GABRG3: variants seen among roughly 807,000 people sequenced by gnomAD.
GABRG3 encodes gamma-aminobutyric acid type A receptor subunit gamma3, also known as gamma-aminobutyric acid receptor subunit gamma-3.
A neutral mutation model predicts 48.8 loss-of-function variants in GABRG3; 25 were observed. The ratio of observed to expected loss-of-function variants is 0.51; its 90% CI spans 0.37 to 0.72. GABRG3 has a LOEUF of 0.72. Ranked by LOEUF, GABRG3 falls within the 30% of genes least tolerant of loss-of-function variation. The probability of loss-of-function intolerance (pLI) is 0.00; values close to 1 mark genes in which losing one functional copy is unlikely to be tolerated. For missense variants in GABRG3, 394 were observed against 577.9 expected (o/e 0.68, Z 3.26); for synonymous variants, 227 against 217.6 (o/e 1.04, Z -0.38).
At chr15:27,015,545 T>A (rs1397713384) in intron 2 of GABRG3, among the ~76,000 whole-genome samples, 3 of 151,794 alleles carry the variant, frequency 2.0e-5, no homozygotes, top group African/African-American at 7.3e-5. Context: ...CCACCACACC[T>A]GGCTAATTTT....
intron 3 of GABRG3, among the ~76,000 whole-genome samples, chr15:27,045,938 C>T (rs1176416892): frequency 6.6e-6 from 1 of 152,172 alleles, no homozygotes; most frequent in Non-Finnish European, 1.5e-5. Flanking sequence ...TCTTCACCTG[C>T]ACATGGTGAT....
At chr15:27,152,830 TA>T (rs1244900524) in intron 3 of GABRG3, among the ~76,000 whole-genome samples, 4 of 152,268 alleles carry the variant, frequency 2.6e-5, no homozygotes, top group East Asian at 3.9e-4. Context: ...TGTATAGTTT[TA>T]CATTTAAATC....
chr15:27,114,320 G>A (rs970856648), intron 3 of GABRG3, among the ~76,000 whole-genome samples: 12 of 152,282 alleles, frequency 7.9e-5, no homozygotes, highest in Admixed American at 3.3e-4. Flanking sequence ...GTGGAATGTT[G>A]TAGAAAATAT....
intron 5 of GABRG3, among the ~76,000 whole-genome samples, chr15:27,425,957 G>A (rs1888278809): frequency 6.6e-6 from 1 of 152,170 alleles, no homozygotes; most frequent in African/African-American, 2.4e-5. Context: ...GGTAGAGTGT[G>A]GTAAGTACCC....
chr15:27,353,955 C>G (rs367567592), intron 5 of GABRG3, among the ~76,000 whole-genome samples: 6 of 152,276 alleles, frequency 3.9e-5, no homozygotes. Context: ...TTTGCTCTCT[C>G]CTGCACCTCC....
rs1894909445 is a variant in GABRG3 at position 26,974,875 on chromosome 15, T to G, written c.54-2127T>G. ...TTATTATTATTATTATTATTATTAT[T>G]ATTATTATTATTATTTGAGATGGAG... On this transcript the variant is annotated intron_variant, in intron 1 of 9. Coordinates refer to ENST00000615808, the MANE Select transcript of GABRG3 (RefSeq NM_033223.5). The surrounding 1 kb of genome is among the most constrained non-coding windows in gnomAD (Gnocchi z 4.3). Among the ~76,000 whole-genome samples the G allele has an allele frequency of 6.8e-6, 1 of 146,982 alleles. No homozygotes were observed. Among genetic ancestry groups the G allele is most frequent in the Non-Finnish European group, 1.5e-5 (1 of 67,130 alleles).
intron 3 of GABRG3, among the ~76,000 whole-genome samples, chr15:27,238,736 T>G (rs1164681542): frequency 1.3e-5 from 2 of 152,232 alleles, no homozygotes; most frequent in Non-Finnish European, 2.9e-5. Flanking sequence ...TTCGAACTTT[T>G]CAGTCACTTA....
chr15:26,971,476 G>C lies in GABRG3; in HGVS notation c.-60G>C. 7.2e-7 allele frequency: 1 copy of C among 1,397,252 alleles called. No individual in the cohort carries two copies. Among genetic ancestry groups the C allele is most frequent in the Non-Finnish European group, 9.5e-7 (1 of 1,052,830 alleles). The allele number at this position is 1,397,252 out of a possible 1,614,324, so 86.6% of individuals were successfully genotyped here. A position where few individuals can be genotyped will look rare whatever the true frequency, so the allele number is the denominator to read the frequency against. ...GAGGGCCGGCGGAGACCAGGTCCGCGCCGGAGGAAGCCGCGCCCGGCCGAG... is the reference window on the plus strand; with the variant it reads ...GAGGGCCGGCGGAGACCAGGTCCGCCCCGGAGGAAGCCGCGCCCGGCCGAG... On this transcript the variant is annotated 5_prime_UTR_variant, in exon 1 of 10. Coordinates refer to ENST00000615808, the MANE Select transcript of GABRG3 (RefSeq NM_033223.5).
At chr15:27,382,883 G>A (rs1595716940) in intron 5 of GABRG3, among the ~76,000 whole-genome samples, 1 of 152,272 alleles carries the variant, frequency 6.6e-6, no homozygotes, top group South Asian at 2.1e-4. Flanking sequence ...TTTGCTTGGG[G>A]AATAGTTGAA....
At chr15:27,176,800 T>G (rs997018687) in intron 3 of GABRG3, among the ~76,000 whole-genome samples, 7 of 152,036 alleles carry the variant, frequency 4.6e-5, no homozygotes, top group African/African-American at 1.4e-4. Context: ...GGGCATGCCA[T>G]AGGGTGGGGA....
intron 5 of GABRG3, among the ~76,000 whole-genome samples, chr15:27,397,801 A>ATTTT (rs1566823235): frequency 7.2e-6 from 1 of 138,420 alleles, no homozygotes; most frequent in Non-Finnish European, 1.5e-5. Flanking sequence ...TTCTCTGAAA[A>ATTTT]ATTTTTTTTT....
chr15:27,218,568 C>T (rs1222862643), intron 3 of GABRG3, among the ~76,000 whole-genome samples: 1 of 152,142 alleles, frequency 6.6e-6, no homozygotes, highest in Non-Finnish European at 1.5e-5. Context: ...TTCCGTTGCT[C>T]AGCGTCTCCA....
intron 3 of GABRG3, among the ~76,000 whole-genome samples, chr15:27,067,252 G>A (rs374976281): frequency 6.6e-6 from 1 of 152,300 alleles, no homozygotes; most frequent in African/African-American, 2.4e-5. Context: ...ACCAGGCAGG[G>A]CTTCAGCTCT....
chr15:27,274,022 G>A (rs1891173160), intron 3 of GABRG3, among the ~76,000 whole-genome samples: 1 of 152,162 alleles, frequency 6.6e-6, no homozygotes, highest in Non-Finnish European at 1.5e-5. Flanking sequence ...TTGTTGGTGT[G>A]AGACCTCAGC....
chr15:27,055,842 G>GA (rs1340005394), intron 3 of GABRG3, among the ~76,000 whole-genome samples: 11 of 150,392 alleles, frequency 7.3e-5, no homozygotes, highest in Admixed American at 2.0e-4. Flanking sequence ...AAGTCATTGA[G>GA]AAAAAAAAAT....
intron 2 of GABRG3, among the ~76,000 whole-genome samples, chr15:26,977,381 T>A (rs967644478): frequency 6.6e-6 from 1 of 152,146 alleles, no homozygotes; most frequent in African/African-American, 2.4e-5. Context: ...TATGTAATGA[T>A]CCTTGCAGTC....
At chr15:27,147,325 A>G (rs893512360) in intron 3 of GABRG3, among the ~76,000 whole-genome samples, 2 of 152,126 alleles carry the variant, frequency 1.3e-5, no homozygotes, top group Non-Finnish European at 2.9e-5. Context: ...AAAAATTGAC[A>G]GAATTGGAGG....
At chr15:26,998,623 G>C (rs1895384639) in intron 2 of GABRG3, among the ~76,000 whole-genome samples, 2 of 152,182 alleles carry the variant, frequency 1.3e-5, no homozygotes, top group African/African-American at 4.8e-5. Context: ...ACCATGCCTG[G>C]CTGGAATAGA....
intron 3 of GABRG3, among the ~76,000 whole-genome samples, chr15:27,038,423 T>C (rs550846874): frequency 1.3e-5 from 2 of 152,292 alleles, no homozygotes; most frequent in South Asian, 4.1e-4. Context: ...TTTTGAGGCA[T>C]CAAATTCTGA....
Sources: allele counts gnomAD v4.1 joint callset (sites outside exome capture counted in the v4.1 genomes callset), GRCh38; gene constraint gnomAD v4.1.1; non-coding constraint Gnocchi (gnomAD v3.1); transcripts MANE v1.5; gene names NCBI Gene and HGNC (gene_info 2026-07-23, HGNC 2026-07-21).